PBX1: variants seen among roughly 807,000 people sequenced by gnomAD.
PBX1 encodes pre-B-cell leukemia transcription factor 1.
Under a neutral mutation model 53.4 loss-of-function variants are expected in PBX1, and 6 were observed. The observed-to-expected ratio is 0.11, with a 90% CI of 0.06 to 0.22. The LOEUF is 0.22. Among genes scored for constraint, PBX1 ranks in the 10% least tolerant of loss-of-function variants. The pLI is 1.00. For synonymous variants in PBX1, 204 were observed against 212.3 expected (o/e 0.96, Z 0.34); for missense variants, 251 against 551.4 (o/e 0.46, Z 5.46).
chr1:164,624,897 A>G (rs1046007727), intron 2 of PBX1, among the ~76,000 whole-genome samples: 4 of 152,202 alleles, frequency 2.6e-5, no homozygotes, highest in African/African-American at 7.2e-5. Flanking sequence ...TTTAGCAACT[A>G]ATTTTCACTT....
intron 2 of PBX1, among the ~76,000 whole-genome samples, chr1:164,877,763 A>G (rs1344659878): frequency 6.6e-6 from 1 of 152,234 alleles, no homozygotes; most frequent in Non-Finnish European, 1.5e-5. Context: ...TTTGAAGTGT[A>G]CAATTTGGTA....
intron 2 of PBX1, among the ~76,000 whole-genome samples, chr1:164,880,998 G>A (rs866384934): frequency 4.4e-4 from 67 of 152,206 alleles, no homozygotes; most frequent in African/African-American, 1.6e-3. Context: ...GTGGTCCTTG[G>A]TGGTCTGATC....
chr1:164,600,722 T>C (rs1028879019), intron 2 of PBX1, among the ~76,000 whole-genome samples: 2 of 152,194 alleles, frequency 1.3e-5, no homozygotes, highest in African/African-American at 4.8e-5. Context: ...CAATCCCTTG[T>C]GGGCCTGTTA....
At position 164,624,096 on chromosome 1, in the gene PBX1, C is replaced by T. The variant is rs1261684425; in HGVS notation, c.265+60785C>T. On this transcript the variant is annotated intron_variant, in intron 2 of 8. Coordinates refer to ENST00000420696, the MANE Select transcript of PBX1 (RefSeq NM_002585.4). Reference sequence around the variant, plus strand: ...GCTGTCTTGTCATCATTCCACTGTCCTAAAACCACAGGGCTAACTGTATCT... The same window carrying T: ...GCTGTCTTGTCATCATTCCACTGTCTTAAAACCACAGGGCTAACTGTATCT... Among the ~76,000 whole-genome samples, 4 of 152,154 alleles carry T rather than the reference C, an allele frequency of 2.6e-5. No individual in the cohort carries two copies. In the South Asian group the frequency reaches 8.3e-4, roughly 32 times the overall value.
In PBX1 at chr1:164,773,243, GCACA is replaced by G. The variant is rs60518864; in HGVS notation, c.266-19224_266-19221del. Among the ~76,000 whole-genome samples, 1,230 of 147,766 alleles carry G rather than the reference GCACA, an allele frequency of 8.3e-3. 6 individuals carry two copies. Among genetic ancestry groups the G allele is most frequent in the Non-Finnish European group, 0.013 (903 of 67,082 alleles). On this transcript the variant is annotated intron_variant, in intron 2 of 8. Transcript: ENST00000420696. ...CAGCTCTTGCATATAGGTAACACGCGCACACACACACACACACACACACACACAC... is the reference window on the plus strand; with the variant it reads ...CAGCTCTTGCATATAGGTAACACGCGCACACACACACACACACACACACAC...
chr1:164,854,945 C>CTT (rs539213655), downstream of PBX1, among the ~76,000 whole-genome samples: 5,415 of 116,242 alleles, frequency 0.047, 291 homozygotes, highest in Non-Finnish European at 0.074. Context: ...CTCTCTCTCT[C>CTT]TTTTTTTTTT....
At chr1:164,588,917 T>G (rs1780333) in intron 2 of PBX1, among the ~76,000 whole-genome samples, 15 of 152,178 alleles carry the variant, frequency 9.9e-5, no homozygotes, top group Admixed American at 3.9e-4. Context: ...TTCTGTTGTT[T>G]AAAGAGAATC....
At chr1:164,797,552 A>G (rs1571425986) in intron 3 of PBX1, among the ~76,000 whole-genome samples, 1 of 152,220 alleles carries the variant, frequency 6.6e-6, no homozygotes, top group African/African-American at 2.4e-5. Context: ...GAGAGTGGAG[A>G]GTAACATGCT....
intron 2 of PBX1, among the ~76,000 whole-genome samples, chr1:164,860,542 C>A (rs950382293): frequency 6.6e-6 from 1 of 152,114 alleles, no homozygotes; most frequent in African/African-American, 2.4e-5. Context: ...TACCTTTGCT[C>A]ATGATGCCAT....
Position 164,847,588 on chromosome 1 carries a change from A to C in PBX1, c.*912A>C. On this transcript the variant is annotated 3_prime_UTR_variant, in exon 9 of 9. Transcript: ENST00000420696. Reference sequence around the variant, plus strand: ...CAAGGAATAGAAAGTTCTTATCGTGAAACCCTTCAACCTCAACTATGCCTT... The same window carrying C: ...CAAGGAATAGAAAGTTCTTATCGTGCAACCCTTCAACCTCAACTATGCCTT... 9.4e-7 allele frequency: 1 copy of C among 1,063,040 alleles called. No homozygotes were observed. The highest frequency in any genetic ancestry group is 1.6e-5 in the African/African-American group (1 of 61,020). 65.9% of individuals were successfully genotyped at this position (1,063,040 alleles called of 1,614,324 possible).
chr1:164,841,253 A>G (rs1287021846), intron 8 of PBX1, among the ~76,000 whole-genome samples: 2 of 152,142 alleles, frequency 1.3e-5, no homozygotes, highest in African/African-American at 2.4e-5. Flanking sequence ...TGTGAGTGAG[A>G]TGTAATTGGA....
intron 8 of PBX1, among the ~76,000 whole-genome samples, chr1:164,844,812 A>C (rs1044606384): frequency 9.8e-5 from 15 of 152,296 alleles, no homozygotes; most frequent in African/African-American, 3.6e-4. Context: ...GTTATACTAC[A>C]GAGTCTTTGC....
chr1:164,647,981 A>AT (rs961171148), intron 2 of PBX1, among the ~76,000 whole-genome samples: 7 of 151,928 alleles, frequency 4.6e-5, no homozygotes, highest in African/African-American at 1.4e-4. Context: ...CGCCCGGCTA[A>AT]TTTTTTTGTA....
chr1:164,742,006 A>C (rs1665642183), intron 2 of PBX1, among the ~76,000 whole-genome samples: 1 of 152,134 alleles, frequency 6.6e-6, no homozygotes, highest in Non-Finnish European at 1.5e-5. Flanking sequence ...TGAGAGTCGT[A>C]GTTTTCATGG....
At chr1:164,607,972 A>G (rs543855743) in intron 2 of PBX1, among the ~76,000 whole-genome samples, 1 of 152,334 alleles carries the variant, frequency 6.6e-6, no homozygotes, top group East Asian at 1.9e-4. Context: ...GCTCTGTGAA[A>G]GCAGGGATAA....
intron 2 of PBX1, among the ~76,000 whole-genome samples, chr1:164,731,234 T>G (rs1029325323): frequency 2.0e-5 from 3 of 152,098 alleles, no homozygotes; most frequent in Non-Finnish European, 4.4e-5. Context: ...CAAGTATCTT[T>G]TGCCATTTTC....
At chr1:164,712,061 T>G (rs911542510) in intron 2 of PBX1, among the ~76,000 whole-genome samples, 1 of 144,126 alleles carries the variant, frequency 6.9e-6, no homozygotes, top group Non-Finnish European at 1.5e-5. Context: ...CCATCTGCCT[T>G]GCAGGGAAGG....
intron 2 of PBX1, among the ~76,000 whole-genome samples, chr1:164,702,855 A>G (rs912986474): frequency 1.3e-5 from 2 of 152,022 alleles, no homozygotes; most frequent in South Asian, 2.1e-4. Context: ...ATATGCCTAT[A>G]TTCATTATGA....
chr1:164,777,806 TG>T (rs1206590068), intron 2 of PBX1, among the ~76,000 whole-genome samples: 1 of 152,222 alleles, frequency 6.6e-6, no homozygotes, highest in Non-Finnish European at 1.5e-5. Flanking sequence ...GTCAGTTCCC[TG>T]GGATTCCCTC....
Sources: gnomAD v4.1 joint callset for allele counts (sites outside exome capture counted in the v4.1 genomes callset) on GRCh38, gnomAD v4.1.1 for gene constraint, MANE v1.5 for transcripts, NCBI Gene and HGNC (gene_info 2026-07-23, HGNC 2026-07-21) for gene names.